Variants in IL23R observed in about 807,000 individuals in gnomAD.
IL23R encodes the protein interleukin-23 receptor.
A neutral mutation model predicts 56.9 loss-of-function variants in IL23R; 34 were observed. That is an observed-to-expected ratio of 0.60 (90% CI 0.45 to 0.80). IL23R has a LOEUF of 0.80. Ranked by LOEUF, IL23R falls within the 30% of genes least tolerant of loss-of-function variation. The pLI, the probability that IL23R is intolerant of heterozygous loss-of-function variation, is 0.00. For missense variants in IL23R, 635 were observed against 730.0 expected, an observed-to-expected ratio of 0.87 and a Z score of 1.50; for synonymous variants, 230 against 249.2, an observed-to-expected ratio of 0.92 and a Z score of 0.73.
At chr1:67,148,136 C>T (rs1646696130) in intron 1 of IL23R, among the ~76,000 whole-genome samples, 1 of 152,238 alleles carries the variant, frequency 6.6e-6, no homozygotes, top group South Asian at 2.1e-4. Flanking sequence ...TAGCCCGATC[C>T]GCAGCGGCGA....
At chr1:67,262,695 T>G (rs934879181), downstream of IL23R, among the ~76,000 whole-genome samples, 3 of 152,200 alleles carry the variant, frequency 2.0e-5, no homozygotes, top group African/African-American at 7.2e-5. Context: ...CATCTTTCTA[T>G]CTAGCTCTTG....
At chr1:67,193,792 T>A (rs1647919545) in intron 4 of IL23R, among the ~76,000 whole-genome samples, 1 of 152,254 alleles carries the variant, frequency 6.6e-6, no homozygotes, top group South Asian at 2.1e-4. Flanking sequence ...AGACATCAGC[T>A]AGATGTCCTC....
chr1:67,177,666 T>A (rs943730893), intron 3 of IL23R, among the ~76,000 whole-genome samples: 1 of 151,404 alleles, frequency 6.6e-6, no homozygotes, highest in Non-Finnish European at 1.5e-5. Flanking sequence ...CCATTGTTTT[T>A]AGTGTTTTCA....
intron 3 of IL23R, among the ~76,000 whole-genome samples, chr1:67,171,552 A>G (rs1646943966): frequency 6.6e-6 from 1 of 152,206 alleles, no homozygotes; most frequent in African/African-American, 2.4e-5. Context: ...TTGTTACTTC[A>G]GGTTATTTTC....
At chr1:67,201,665 T>G (rs1251198541) in intron 5 of IL23R, among the ~76,000 whole-genome samples, 1 of 152,084 alleles carries the variant, frequency 6.6e-6, no homozygotes, top group Non-Finnish European at 1.5e-5. Context: ...TGGGGACTTA[T>G]GTAAGGTTTT....
At chr1:67,255,401 A>G (rs961892619) in intron 9 of IL23R, among the ~76,000 whole-genome samples, 4 of 152,150 alleles carry the variant, frequency 2.6e-5, no homozygotes, top group Admixed American at 2.6e-4. Context: ...TAAGTAAGAG[A>G]TGAAAACTTT....
downstream of IL23R, among the ~76,000 whole-genome samples, chr1:67,263,132 T>TTTTA (rs149532441): frequency 1.5e-3 from 207 of 139,648 alleles, 8 homozygotes; most frequent in Middle Eastern, 3.7e-3. Flanking sequence ...TTTTTTTTTT[T>TTTTA]AACAGGTCAC....
chr1:67,179,901 T>A (rs10242363), intron 3 of IL23R, among the ~76,000 whole-genome samples: 1 of 152,240 alleles, frequency 6.6e-6, no homozygotes, highest in Non-Finnish European at 1.5e-5. Flanking sequence ...AGGAGCAGGT[T>A]GTTCAGTTTC....
chr1:67,240,095 T>G, intron 8 of IL23R, 84 bp from the exon 9 acceptor site: 2 of 1,005,942 alleles, frequency 2.0e-6, no homozygotes, highest in South Asian at 2.6e-5. Flanking sequence ...GACCTTTGCT[T>G]TGAGCAGAGT....
At chr1:67,147,710 AT>A (rs1308645273) in intron 1 of IL23R, among the ~76,000 whole-genome samples, 1 of 152,148 alleles carries the variant, frequency 6.6e-6, no homozygotes, top group Non-Finnish European at 1.5e-5. Context: ...CAAAAAAAAA[AT>A]AAAAAGATTG....
downstream of IL23R, among the ~76,000 whole-genome samples, chr1:67,263,930 T>C (rs925833810): frequency 6.6e-6 from 1 of 152,114 alleles, no homozygotes; most frequent in African/African-American, 2.4e-5. Context: ...AAATCTCCTG[T>C]TGAAACAGAC....
At chr1:67,222,483 A>G (rs1219936742) in intron 7 of IL23R, among the ~76,000 whole-genome samples, 1 of 152,180 alleles carries the variant, frequency 6.6e-6, no homozygotes, top group Non-Finnish European at 1.5e-5. Flanking sequence ...TATTCTGTCA[A>G]GTTGATACTG....
intron 3 of IL23R, among the ~76,000 whole-genome samples, chr1:67,178,319 GA>G (rs1647040077): frequency 6.6e-6 from 1 of 152,074 alleles, no homozygotes; most frequent in Admixed American, 6.6e-5. Context: ...AGTTCTCTTT[GA>G]AGAGGTCCTT....
At chr1:67,167,387 A>T (rs2102552510) in intron 1 of IL23R, among the ~76,000 whole-genome samples, 1 of 152,362 alleles carries the variant, frequency 6.6e-6, no homozygotes, top group South Asian at 2.1e-4. Flanking sequence ...AACGCTTTTT[A>T]GAGTCTCACT....
chr1:67,158,220 A>C (rs1570762847), intron 1 of IL23R, among the ~76,000 whole-genome samples: 2 of 152,202 alleles, frequency 1.3e-5, no homozygotes, highest in East Asian at 3.8e-4. Context: ...CATGTCAAAA[A>C]AAAAAAAAGA....
intron 2 of IL23R, 23 bp from the exon 3 acceptor site, chr1:67,169,319 A>G: frequency 6.4e-7 from 1 of 1,552,284 alleles, no homozygotes; most frequent in Non-Finnish European, 8.9e-7. Flanking sequence ...CGTGTAATTT[A>G]TTATTTTTCC....
At chr1:67,239,073 A>G (rs1275341061) in intron 8 of IL23R, among the ~76,000 whole-genome samples, 3 of 152,208 alleles carry the variant, frequency 2.0e-5, no homozygotes, top group Non-Finnish European at 4.4e-5. Flanking sequence ...ACATGGCTCT[A>G]GAACAAATTC....
At chr1:67,161,644 T>C (rs1429856807), upstream of IL23R, among the ~76,000 whole-genome samples, 1 of 151,922 alleles carries the variant, frequency 6.6e-6, no homozygotes, top group Non-Finnish European at 1.5e-5. Flanking sequence ...TTTTTGTTTT[T>C]TTGAGATGGA....
chr1:67,175,940 C>A (rs568560728), intron 3 of IL23R, among the ~76,000 whole-genome samples: 2 of 152,278 alleles, frequency 1.3e-5, no homozygotes, highest in African/African-American at 4.8e-5. Context: ...TCCTTCCAGC[C>A]TCAGCCTCCC....
Sources: allele counts gnomAD v4.1 joint callset (sites outside exome capture counted in the v4.1 genomes callset), GRCh38; gene constraint gnomAD v4.1.1; transcripts MANE v1.5; gene names NCBI Gene and HGNC (gene_info 2026-07-23, HGNC 2026-07-21).